RASA2: variants seen among roughly 807,000 people sequenced by gnomAD.
RASA2 encodes ras GTPase-activating protein 2.
A neutral mutation model predicts 118.2 loss-of-function variants in RASA2; 155 were observed. The ratio of observed to expected loss-of-function variants is 1.31; its 90% CI spans 1.15 to 1.50. The LOEUF is 1.50. RASA2 is among the 40% of genes most tolerant of loss of function. The probability of loss-of-function intolerance (pLI) is 0.00; values close to 1 mark genes in which losing one functional copy is unlikely to be tolerated. For synonymous variants in RASA2, 353 were observed against 349.1 expected (o/e 1.01, Z -0.12); for missense variants, 1,016 against 1,009.6 (o/e 1.01, Z -0.09).
intron 1 of RASA2, among the ~76,000 whole-genome samples, chr3:141,501,669 T>TATTTCAATATTGCAATTTCA (rs1337079297): frequency 6.6e-6 from 1 of 152,328 alleles, no homozygotes; most frequent in Non-Finnish European, 1.5e-5. Context: ...CCTTTTATCA[T>TATTTCAATATTGCAATTTCA]ATTGCAAAAA....
At chr3:141,599,019 T>A (rs920874502) in intron 19 of RASA2, among the ~76,000 whole-genome samples, 1 of 151,836 alleles carries the variant, frequency 6.6e-6, no homozygotes, top group Non-Finnish European at 1.5e-5. Flanking sequence ...ACCCAGGAGG[T>A]GGAGGTTGCA....
intron 5 of RASA2, among the ~76,000 whole-genome samples, chr3:141,552,825 A>G (rs2082594095): frequency 6.6e-6 from 1 of 152,214 alleles, no homozygotes; most frequent in African/African-American, 2.4e-5. Context: ...GAGAGAAATA[A>G]GGATGTACTC....
At chr3:141,535,773 A>G (rs1444925289) in intron 4 of RASA2, among the ~76,000 whole-genome samples, 1 of 152,156 alleles carries the variant, frequency 6.6e-6, no homozygotes, top group Non-Finnish European at 1.5e-5. Context: ...TAACTAAGCA[A>G]GACGCACTTA....
At chr3:141,496,950 T>C (rs1413122338) in intron 1 of RASA2, among the ~76,000 whole-genome samples, 2 of 152,068 alleles carry the variant, frequency 1.3e-5, no homozygotes, top group African/African-American at 2.4e-5. Flanking sequence ...GTTAACAAAA[T>C]GTGGCACATA....
At chr3:141,489,694 C>T (rs2081617313) in intron 1 of RASA2, among the ~76,000 whole-genome samples, 1 of 152,112 alleles carries the variant, frequency 6.6e-6, no homozygotes, top group South Asian at 2.1e-4. Flanking sequence ...CACATCACCC[C>T]AGTGAAAAGT....
At position 141,613,835 on chromosome 3, in the gene RASA2, A is replaced by G. The variant is rs1238744577; in HGVS notation, c.*1522A>G. The G allele has an allele frequency of 6.6e-6, 1 of 152,236 alleles. No individual in the cohort carries two copies. Among genetic ancestry groups the G allele is most frequent in the East Asian group, 1.9e-4 (1 of 5,206 alleles). The allele number at this position is 152,236 out of a possible 1,614,324, so 9.4% of individuals were successfully genotyped here. On this transcript the variant is annotated 3_prime_UTR_variant, in exon 24 of 24. Transcript: ENST00000286364. ...ATATAACTGAGCAATGTATTTCTCT[A>G]AATGACTTGTAAAAATCAATGAATT...
intron 23 of RASA2, among the ~76,000 whole-genome samples, chr3:141,610,830 C>A (rs957914824): frequency 6.6e-6 from 1 of 151,992 alleles, no homozygotes; most frequent in Admixed American, 6.6e-5. Context: ...TAATTCATTT[C>A]TTGAATACTT....
In RASA2 at chr3:141,554,433, A is replaced by G. The variant is rs555177619; in HGVS notation, c.611+493A>G. On this transcript the variant is annotated intron_variant, in intron 6 of 23. Transcript: ENST00000286364. ...CCAACTGTAGAAAAACTGCTGAAGT[A>G]CTAGAGCATGGCAAAGTGTACCATA... is the stretch of plus-strand genomic sequence containing the variant. Among the ~76,000 whole-genome samples, 3 of 152,346 alleles carry G rather than the reference A, an allele frequency of 2.0e-5. No homozygotes were observed. In the South Asian group the frequency reaches 6.2e-4, roughly 32 times the overall value.
At chr3:141,545,434 GGA>G (rs1446868975) in intron 5 of RASA2, among the ~76,000 whole-genome samples, 16 of 151,564 alleles carry the variant, frequency 1.1e-4, no homozygotes, top group Middle Eastern at 3.4e-3. Flanking sequence ...AGCAGGAACA[GGA>G]GAGAGAGTGG....
intron 19 of RASA2, among the ~76,000 whole-genome samples, chr3:141,602,674 C>T (rs2083483514): frequency 6.6e-6 from 1 of 152,210 alleles, no homozygotes; most frequent in Admixed American, 6.5e-5. Context: ...TTCCCTCTAA[C>T]CCTAGCTAGC....
rs527502444 is a variant in RASA2, at chr3:141,535,826, C to G, written c.451-4707C>G. ...CTCAGCCATTCATGAGGGATCTACC[C>G]CCATGATCTGACACCTCCCACTAGG... is the stretch of plus-strand genomic sequence containing the variant. On this transcript the variant is annotated intron_variant, in intron 4 of 23. Coordinates refer to ENST00000286364, the MANE Select transcript of RASA2 (RefSeq NM_006506.5). Among the ~76,000 whole-genome samples the G allele has an allele frequency of 7.9e-5, 12 of 152,260 alleles. No homozygotes were observed. The South Asian group carries it at 1.0e-3, about 13-fold the overall frequency.
At chr3:141,607,629 A>G (rs2083567819) in intron 19 of RASA2, 49 bp from the exon 20 acceptor site, 1 of 1,505,728 alleles carries the variant, frequency 6.6e-7, no homozygotes, top group Non-Finnish European at 8.9e-7. Flanking sequence ...CATCTTTATA[A>G]TTCTGATGGA....
At chr3:141,505,040 TC>T (rs2081843943) in intron 1 of RASA2, among the ~76,000 whole-genome samples, 1 of 152,166 alleles carries the variant, frequency 6.6e-6, no homozygotes, top group South Asian at 2.1e-4. Flanking sequence ...CTTCCCTGCT[TC>T]CCTATATAAA....
chr3:141,497,165 TGGGGTGG>T (rs1248277226), intron 1 of RASA2, among the ~76,000 whole-genome samples: 3 of 66,064 alleles, frequency 4.5e-5, no homozygotes, highest in African/African-American at 1.9e-4. Flanking sequence ...GGGCCTGTCG[TGGGGTGG>T]GGGGAGAGGG....
At chr3:141,545,373 G>A (rs993846237) in intron 5 of RASA2, among the ~76,000 whole-genome samples, 4 of 151,960 alleles carry the variant, frequency 2.6e-5, no homozygotes, top group Admixed American at 2.6e-4. Flanking sequence ...GCCTCAGGAA[G>A]CTTCCAATCA....
chr3:141,565,671 G>A (rs750099977), intron 9 of RASA2, among the ~76,000 whole-genome samples: 1 of 152,122 alleles, frequency 6.6e-6, no homozygotes, highest in African/African-American at 2.4e-5. Flanking sequence ...TGATTGCGAG[G>A]TCTCCCCAGC....
rs2083227039 is a variant in RASA2 at position 141,587,697 on chromosome 3, G to A, written c.1933+945G>A. 3.1e-5 allele frequency among the ~76,000 whole-genome samples: 4 copies of A among 130,646 alleles called. No homozygotes were observed. The Admixed American group carries it at 3.7e-4, about 12-fold the overall frequency. 85.7% of individuals were successfully genotyped at this position (130,646 alleles called of 152,430 possible). ...CCACTGCACTGTAGCCTGGGTGACAGAGCAAGACTCCATCTCAAAAAAAAA... is the reference window on the plus strand; with the variant it reads ...CCACTGCACTGTAGCCTGGGTGACAAAGCAAGACTCCATCTCAAAAAAAAA... On this transcript the variant is annotated intron_variant, in intron 19 of 23. Coordinates refer to ENST00000286364, the MANE Select transcript of RASA2 (RefSeq NM_006506.5).
chr3:141,592,058 A>G (rs777342842), intron 19 of RASA2, among the ~76,000 whole-genome samples: 18 of 152,154 alleles, frequency 1.2e-4, no homozygotes, highest in South Asian at 2.1e-4. Flanking sequence ...TACTAAGACA[A>G]TAAACAGTAA....
At chr3:141,508,832 T>C (rs2081907758) in intron 1 of RASA2, among the ~76,000 whole-genome samples, 1 of 151,434 alleles carries the variant, frequency 6.6e-6, no homozygotes, top group East Asian at 1.9e-4. Context: ...TTTTTTTTGG[T>C]CCAAGGCGCA....
Sources: allele counts gnomAD v4.1 joint callset (sites outside exome capture counted in the v4.1 genomes callset), GRCh38; gene constraint gnomAD v4.1.1; transcripts MANE v1.5; gene names NCBI Gene and HGNC (gene_info 2026-07-23, HGNC 2026-07-21).